Variants in KCTD17 observed in about 807,000 individuals in gnomAD.
KCTD17 encodes potassium channel tetramerization domain containing 17.
KCTD17 carries 20 observed loss-of-function variants against 41.5 expected under a neutral mutation model. The ratio of observed to expected loss-of-function variants is 0.48; its 90% confidence interval spans 0.34 to 0.70. KCTD17 has a LOEUF of 0.70. Ranked by LOEUF, KCTD17 falls within the 30% of genes least tolerant of loss-of-function variation. The pLI, the probability that KCTD17 is intolerant of heterozygous loss-of-function variation, is 0.01. For synonymous variants in KCTD17, 156 were observed against 173.8 expected (o/e 0.90, Z 0.80); for missense variants, 317 against 427.2 (o/e 0.74, Z 2.27).
At chr22:37,054,845 C>T (rs1924910849) in intron 2 of KCTD17, among the ~76,000 whole-genome samples, 1 of 152,160 alleles carries the variant, frequency 6.6e-6, no homozygotes, top group African/African-American at 2.4e-5. Context: ...TGTGTTTGGT[C>T]CTGTGTGGGC....
In KCTD17 at chr22:37,057,408, A is replaced by G; in HGVS notation, c.401A>G (p.Lys134Arg). 7.4e-6 allele frequency: 12 copies of G among 1,613,760 alleles called. No individual in the cohort carries two copies. Among genetic ancestry groups the G allele is most frequent in the Non-Finnish European group, 1.0e-5 (12 of 1,179,800 alleles). Residue 134 changes from lysine (K) to arginine (R), a missense_variant, in exon 4 of 9, where the codon AAG becomes AGG. Physicochemically the swap from Lys to Arg is conservative, Grantham distance 26. Coordinates refer to ENST00000403888, the MANE Select transcript of KCTD17 (RefSeq NM_001282684.2). ...KDYTVTQVPP[K>R]HVYRVLQCQE... Reference sequence around the variant, plus strand: ...CCCTTCTGCCCACAGGTCCCACCCAAGCACGTGTACCGCGTGCTGCAGTGC... The same window carrying G: ...CCCTTCTGCCCACAGGTCCCACCCAGGCACGTGTACCGCGTGCTGCAGTGC...
Position 37,057,487 on chromosome 22 carries a change from C to T in KCTD17, c.480C>T (p.Phe160=), listed in dbSNP as rs537641981. ...CCACCATGTCTGATGGCTGGCGCTT[C>T]GAGCAGGTGCGCTGGGGACAGGGGC... The part of the protein sequence containing the change: ...MVSTMSDGWR[F]EQLVNIGSSY... The change falls in exon 4 of 9, where the codon TTC becomes TTT. Residue 160 remains phenylalanine (F), a synonymous_variant. Coordinates refer to ENST00000403888, the MANE Select transcript of KCTD17 (RefSeq NM_001282684.2). The T allele has an allele frequency of 1.9e-5, 30 of 1,610,656 alleles. No individual in the cohort carries two copies. In the South Asian group the frequency reaches 2.4e-4, roughly 13 times the overall value.
intron 2 of KCTD17, 96 bp from the exon 3 acceptor site, chr22:37,056,224 T>G: frequency 1.0e-6 from 1 of 989,430 alleles, no homozygotes; most frequent in Non-Finnish European, 1.5e-6. Flanking sequence ...GGGCGGGTGA[T>G]CAGAGCGAGA....
In KCTD17 at chr22:37,051,929, G is replaced by T; in HGVS notation, c.169G>T (p.Glu57Ter). 6.7e-7 allele frequency: 1 copy of T among 1,497,704 alleles called. No individual in the cohort carries two copies. The highest frequency in any genetic ancestry group is 2.7e-5 in the East Asian group (1 of 37,152). The allele number at this position is 1,497,704 out of a possible 1,614,324, so 92.8% of individuals were successfully genotyped here. ...KSFLSRLCQGEELQSDRDETG... is the reference protein window; with the variant it reads ...KSFLSRLCQG ...CTTCCTCAGCCGCCTGTGCCAGGGG[G>T]AAGAGCTGCAGTCGGACCGGGTGAG... is the stretch of plus-strand genomic sequence containing the variant. The change falls in exon 1 of 9, where the codon GAA becomes TAA. Residue 57 changes from glutamate to a stop codon, truncating the protein, a stop_gained. Transcript: ENST00000403888. LOFTEE classifies it high-confidence loss of function.
chr22:37,057,316 G>A lies in KCTD17; in HGVS notation c.391-82G>A, dbSNP rs79695422. 6,955 of 1,013,998 alleles carry A rather than the reference G, an allele frequency of 6.9e-3. 49 individuals carry two copies. Among genetic ancestry groups the A allele is most frequent in the South Asian group, 0.012 (955 of 76,664 alleles). The allele number at this position is 1,013,998 out of a possible 1,614,324, so 62.8% of individuals were successfully genotyped here. The stretch of plus-strand genomic sequence containing the variant: ...CTTCTTCTTTGGGTATGTTGCGGGG[G>A]TGGTGGCAGCAGGTGCTCATGCCCC... On this transcript the variant is annotated intron_variant, in intron 3 of 8. Coordinates refer to ENST00000403888, the MANE Select transcript of KCTD17 (RefSeq NM_001282684.2).
chr22:37,052,109 T>G (rs1044532492), intron 1 of KCTD17, 160 bp downstream of exon 1: 533 of 523,690 alleles, frequency 1.0e-3, no homozygotes, highest in Middle Eastern at 2.0e-3. Context: ...GAGGGGGAGG[T>G]GGGTCTGGTA....
chr22:37,060,807 G>T lies in KCTD17; in HGVS notation c.613-16G>T, dbSNP rs927582656. The T allele has an allele frequency of 1.4e-6, 2 of 1,474,398 alleles. No homozygotes were observed. The highest frequency in any genetic ancestry group is 1.8e-6 in the Non-Finnish European group (2 of 1,110,578). 91.3% of individuals were successfully genotyped at this position (1,474,398 alleles called of 1,614,324 possible). On this transcript the variant is annotated splice_polypyrimidine_tract_variant and intron_variant, in intron 5 of 8. Transcript: ENST00000403888. Reference sequence around the variant, plus strand: ...TCTCCACTCTTTCTTCCCTGGGTCCGCCGGCTGGTTCACAGAGCACGGAGG... The same window carrying T: ...TCTCCACTCTTTCTTCCCTGGGTCCTCCGGCTGGTTCACAGAGCACGGAGG...
chr22:37,054,084 TCTG>T (rs1452466557), intron 2 of KCTD17, among the ~76,000 whole-genome samples: 1 of 152,132 alleles, frequency 6.6e-6, no homozygotes, highest in Non-Finnish European at 1.5e-5. Flanking sequence ...TGGGCCATGG[TCTG>T]CCCTCCCTGA....
At position 37,053,051 on chromosome 22, in the gene KCTD17, T is replaced by C. The variant is rs1224015677; in HGVS notation, c.190-49T>C. On this transcript the variant is annotated intron_variant, in intron 1 of 8. Transcript: ENST00000403888. This position sits in a 1 kb window ranked among gnomAD's most constrained non-coding sequence, Gnocchi z 4.1. Reference sequence around the variant, plus strand: ...CTCCCTGTGCGTGTGCGGGGTTGGCTGGGGAGAAGCCTCACTCTTCTCTCA... The same window carrying C: ...CTCCCTGTGCGTGTGCGGGGTTGGCCGGGGAGAAGCCTCACTCTTCTCTCA... The C allele has an allele frequency of 7.0e-7, 1 of 1,430,570 alleles. No individual in the cohort carries two copies. Among genetic ancestry groups the C allele is most frequent in the African/African-American group, 1.4e-5 (1 of 70,562 alleles). The allele number at this position is 1,430,570 out of a possible 1,614,324, so 88.6% of individuals were successfully genotyped here. A position where few individuals can be genotyped will look rare whatever the true frequency, so the allele number is the denominator to read the frequency against.
At position 37,056,427 on chromosome 22, in the gene KCTD17, A is replaced by G. The variant is rs764361408; in HGVS notation, c.390+16A>G. 5 of 1,605,112 alleles carry G rather than the reference A, an allele frequency of 3.1e-6. No homozygotes were observed. The African/African-American group carries it at 4.0e-5, about 13-fold the overall frequency. ...GGTCACCCAGGTCGGGAGCAGGGGC[A>G]GCACACACGGCCAGGGCAGGGGCCA... On this transcript the variant is annotated intron_variant, in intron 3 of 8. Transcript: ENST00000403888.
In KCTD17 at chr22:37,059,217, G is replaced by A. The variant is rs55897262; in HGVS notation, c.487-96G>A. The A allele has an allele frequency of 3.9e-6, 6 of 1,544,532 alleles. No individual in the cohort carries two copies. The South Asian group carries it at 6.7e-5, about 17-fold the overall frequency. ...GACAAGCCGCAAGATTAGGACCTGA[G>A]CTGGTATCTTGATTTGAGTGCCGAG... On this transcript the variant is annotated intron_variant, in intron 4 of 8. Coordinates refer to ENST00000403888, the MANE Select transcript of KCTD17 (RefSeq NM_001282684.2).
chr22:37,057,582 G>C, intron 4 of KCTD17, 89 bp downstream of exon 4: 1 of 1,037,702 alleles, frequency 9.6e-7, no homozygotes, highest in East Asian at 2.6e-5. Flanking sequence ...TGCAGCCCCA[G>C]CCTTGGGTTC....
In KCTD17 at chr22:37,053,132, C is replaced by T. The variant is rs1249706647; in HGVS notation, c.222C>T (p.Asp74=). The part of the protein sequence containing the change: ...DETGAYLIDR[D]PTYFGPILNF... ...CCGGGGCCTACCTCATTGACCGTGACCCCACCTACTTCGGGCCCATCCTGA... is the reference window on the plus strand; with the variant it reads ...CCGGGGCCTACCTCATTGACCGTGATCCCACCTACTTCGGGCCCATCCTGA... The change falls in exon 2 of 9, where the codon GAC becomes GAT. Residue 74 remains aspartate, a synonymous_variant. Transcript: ENST00000403888. This position sits in a 1 kb window ranked among gnomAD's most constrained non-coding sequence, Gnocchi z 4.1. 6.2e-7 allele frequency: 1 copy of T among 1,600,862 alleles called. No homozygotes were observed.
chr22:37,057,445 G>C lies in KCTD17; in HGVS notation c.438G>C (p.Glu146Asp). Residue 146 changes from glutamate (E) to aspartate (D), a missense_variant, in exon 4 of 9, where the codon GAG becomes GAC. Glu to Asp is a conservative substitution (Grantham distance 45). Around this residue, in one of 4 missense-constraint regions of KCTD17, gnomAD observed 14 missense variants for 42.4 expected, o/e 0.33. Transcript: ENST00000403888. ...VYRVLQCQEE[E>D]LTQMVSTMSD... is the part of the protein sequence containing the mutation. The stretch of plus-strand genomic sequence containing the variant: ...GCGTGCTGCAGTGCCAGGAGGAGGA[G>C]CTCACGCAAATGGTCTCCACCATGT... The C allele has an allele frequency of 1.2e-6, 2 of 1,613,492 alleles. No homozygotes were observed. Among genetic ancestry groups the C allele is most frequent in the Non-Finnish European group, 8.5e-7 (1 of 1,179,898 alleles).
intron 2 of KCTD17, chr22:37,055,136 GGGGA>G (rs1924953269): frequency 6.6e-6 from 1 of 152,508 alleles, no homozygotes; most frequent in Non-Finnish European, 1.5e-5. Flanking sequence ...GGTTCTAGCA[GGGGA>G]GCGCAGCTAC....
At position 37,053,035 on chromosome 22, in the gene KCTD17, C is replaced by T. The variant is rs376443463; in HGVS notation, c.190-65C>T. The T allele has an allele frequency of 3.8e-5, 49 of 1,284,512 alleles. No individual in the cohort carries two copies. In the East Asian group the frequency reaches 1.0e-3, roughly 27 times the overall value. 79.6% of individuals were successfully genotyped at this position (1,284,512 alleles called of 1,614,324 possible). ...CCTCCACTCTCCTTCCCTCCCTGTG[C>T]GTGTGCGGGGTTGGCTGGGGAGAAG... On this transcript the variant is annotated intron_variant, in intron 1 of 8. Coordinates refer to ENST00000403888, the MANE Select transcript of KCTD17 (RefSeq NM_001282684.2). This position sits in a 1 kb window ranked among gnomAD's most constrained non-coding sequence, Gnocchi z 4.1.
Position 37,059,296 on chromosome 22 carries a change from A to T in KCTD17, c.487-17A>T. ...AACACCAACCTGCATTTTTCTCCCC[A>T]TGCTCCGCCCCTCTAGCTGGTGAAC... On this transcript the variant is annotated splice_polypyrimidine_tract_variant and intron_variant, in intron 4 of 8. Transcript: ENST00000403888. 6.2e-7 allele frequency: 1 copy of T among 1,611,026 alleles called. No individual in the cohort carries two copies.
At position 37,055,726 on chromosome 22, in the gene KCTD17, A is replaced by T. The variant is rs566922361; in HGVS notation, c.299-594A>T. ...AACTGTAAGGTGAGGCAGTTGGGGG[A>T]ATGCATGGACACAAGGGTATGTGCT... On this transcript the variant is annotated intron_variant, in intron 2 of 8. Transcript: ENST00000403888. Among the ~76,000 whole-genome samples the T allele has an allele frequency of 5.3e-3, 813 of 152,098 alleles. 6 individuals carry two copies. Among genetic ancestry groups the T allele is most frequent in the African/African-American group, 0.019 (787 of 41,456 alleles).
chr22:37,052,135 A>G, intron 1 of KCTD17, 186 bp downstream of exon 1: 1 of 831,726 alleles, frequency 1.2e-6, no homozygotes, highest in Non-Finnish European at 1.7e-6. Context: ...GGATGTACCC[A>G]TTGCCGTGGC....
Sources: gnomAD v4.1 joint callset for allele counts (sites outside exome capture counted in the v4.1 genomes callset) on GRCh38, gnomAD v4.1.1 for gene constraint, gnomAD v4.1.1 regional missense constraint, Gnocchi (gnomAD v3.1) non-coding constraint, MANE v1.5 for transcripts, NCBI Gene and HGNC (gene_info 2026-07-23, HGNC 2026-07-21) for gene names.